Variants in TTC29 observed in about 807,000 individuals in gnomAD.
The protein encoded by TTC29 is tetratricopeptide repeat protein 29.
A neutral mutation model predicts 58.1 loss-of-function variants in TTC29; 49 were observed. The ratio of observed to expected loss-of-function variants is 0.84; its 90% CI spans 0.67 to 1.07. The LOEUF (loss-of-function observed/expected upper bound fraction) is 1.07. Among genes scored for constraint, TTC29 ranks in the 50% least tolerant of loss-of-function variants. The pLI is 0.00. For synonymous variants in TTC29, 209 were observed against 196.8 expected, an observed-to-expected ratio of 1.06 and a Z score of -0.52; for missense variants, 582 against 555.6, an observed-to-expected ratio of 1.05 and a Z score of -0.48.
chr4:146,805,481 G>GAA (rs1240522342), intron 10 of TTC29, among the ~76,000 whole-genome samples: 1 of 152,134 alleles, frequency 6.6e-6, no homozygotes, highest in East Asian at 1.9e-4. Flanking sequence ...AGGAAGCTAA[G>GAA]AACCTTGACA....
intron 11 of TTC29, among the ~76,000 whole-genome samples, chr4:146,758,579 A>G (rs1202713419): frequency 6.6e-6 from 1 of 152,186 alleles, no homozygotes; most frequent in East Asian, 1.9e-4. Context: ...AAGATAGACC[A>G]TAAGATAGGC....
chr4:146,941,406 T>C (rs927707979), intron 2 of TTC29, among the ~76,000 whole-genome samples: 1 of 152,220 alleles, frequency 6.6e-6, no homozygotes, highest in South Asian at 2.1e-4. Flanking sequence ...GGCACTGTTC[T>C]AGGTGCCAAA....
chr4:146,917,097 T>C (rs1734271697), intron 4 of TTC29, among the ~76,000 whole-genome samples: 1 of 151,164 alleles, frequency 6.6e-6, no homozygotes, highest in Non-Finnish European at 1.5e-5. Flanking sequence ...CCACCAATCA[T>C]AAATAATATG....
intron 11 of TTC29, among the ~76,000 whole-genome samples, chr4:146,797,450 A>C (rs1722614214): frequency 6.6e-6 from 1 of 152,062 alleles, no homozygotes; most frequent in African/African-American, 2.4e-5. Flanking sequence ...TAATTCTCTC[A>C]GCTTTTATAT....
At chr4:146,853,202 G>C (rs1729622188) in intron 8 of TTC29, among the ~76,000 whole-genome samples, 1 of 151,892 alleles carries the variant, frequency 6.6e-6, no homozygotes, top group Non-Finnish European at 1.5e-5. Flanking sequence ...AAAATGTTGA[G>C]AATACAGATA....
At chr4:146,833,978 A>T in intron 8 of TTC29, 81 bp from the exon 9 acceptor site, 1 of 959,934 alleles carries the variant, frequency 1.0e-6, no homozygotes, top group Non-Finnish European at 1.5e-6. Context: ...AAAAAAATAA[A>T]ATTAATAGTT....
intron 11 of TTC29, among the ~76,000 whole-genome samples, chr4:146,712,602 G>C (rs955058444): frequency 1.3e-5 from 2 of 152,086 alleles, no homozygotes; most frequent in Non-Finnish European, 2.9e-5. Context: ...GTACTTGCTT[G>C]CCTTTAGCTA....
rs377501724 is a variant in TTC29 at position 146,740,583 on chromosome 4, G to A, written c.1331-33032C>T. Among the ~76,000 whole-genome samples, 20 of 152,132 alleles carry A rather than the reference G, an allele frequency of 1.3e-4. No individual in the cohort carries two copies. The East Asian group carries it at 2.7e-3, about 21-fold the overall frequency. The stretch of plus-strand genomic sequence containing the variant: ...GAAACAGTATTCAGTGAACAACTGG[G>A]TATTTGGATAAGTAAATGTGATAGA... On this transcript the variant is annotated intron_variant, in intron 11 of 12. Transcript: ENST00000325106.
chr4:146,737,596 G>GGT (rs1744810433), intron 11 of TTC29, among the ~76,000 whole-genome samples: 1 of 149,554 alleles, frequency 6.7e-6, no homozygotes, highest in South Asian at 2.2e-4. Context: ...GCCCTGGGGG[G>GGT]GGGGGGGCTA....
At chr4:146,746,926 A>G (rs774940579) in intron 11 of TTC29, among the ~76,000 whole-genome samples, 1 of 152,226 alleles carries the variant, frequency 6.6e-6, no homozygotes. Context: ...GTGCTGGAGT[A>G]CAGCAAAGCA....
chr4:146,751,329 A>G (rs1745974847), intron 11 of TTC29, among the ~76,000 whole-genome samples: 1 of 152,234 alleles, frequency 6.6e-6, no homozygotes, highest in Admixed American at 6.5e-5. Flanking sequence ...ATCCATAAAT[A>G]CTGGTACTTG....
At chr4:146,720,340 T>C (rs1743265864) in intron 11 of TTC29, among the ~76,000 whole-genome samples, 2 of 152,172 alleles carry the variant, frequency 1.3e-5, no homozygotes, top group Admixed American at 1.3e-4. Context: ...TGGTATACTT[T>C]TCTTGCATTA....
intron 3 of TTC29, 62 bp downstream of exon 3, chr4:146,939,733 TACATTATTG>T: frequency 7.7e-7 from 1 of 1,304,648 alleles, no homozygotes. Context: ...TTTTCTGAGA[TACATTATTG>T]ACATTTCTTA....
chr4:146,743,078 A>G (rs1186917356), intron 11 of TTC29, among the ~76,000 whole-genome samples: 1 of 152,014 alleles, frequency 6.6e-6, no homozygotes, highest in African/African-American at 2.4e-5. Flanking sequence ...GCGTTAGTCA[A>G]AGACCTCTTG....
intron 11 of TTC29, among the ~76,000 whole-genome samples, chr4:146,797,831 T>TA (rs1749927712): frequency 9.3e-6 from 1 of 107,086 alleles, no homozygotes; most frequent in African/African-American, 3.4e-5. Context: ...ATTACTTTGT[T>TA]TTATATATAT....
chr4:146,709,792 A>T (rs1742348707), intron 11 of TTC29, among the ~76,000 whole-genome samples: 1 of 152,140 alleles, frequency 6.6e-6, no homozygotes, highest in Admixed American at 6.6e-5. Flanking sequence ...GGCTTCATAG[A>T]GGAAATAAAT....
intron 5 of TTC29, among the ~76,000 whole-genome samples, chr4:146,905,432 T>A (rs923035535): frequency 2.6e-5 from 4 of 151,302 alleles, no homozygotes; most frequent in Non-Finnish European, 5.9e-5. Context: ...ATAAGGTTTT[T>A]TTTTTTAGGA....
chr4:146,821,229 A>G (rs1180993452), intron 9 of TTC29, among the ~76,000 whole-genome samples: 1 of 152,138 alleles, frequency 6.6e-6, no homozygotes, highest in African/African-American at 2.4e-5. Flanking sequence ...GAGAAATGAC[A>G]AATAATGGGT....
intron 4 of TTC29, among the ~76,000 whole-genome samples, chr4:146,923,579 G>T (rs1330481430): frequency 6.6e-6 from 1 of 151,788 alleles, no homozygotes. Context: ...TTCTCTTTGG[G>T]ATACATTAGA....
Sources: gnomAD v4.1 joint callset for allele counts (sites outside exome capture counted in the v4.1 genomes callset) on GRCh38, gnomAD v4.1.1 for gene constraint, MANE v1.5 for transcripts, NCBI Gene and HGNC (gene_info 2026-07-23, HGNC 2026-07-21) for gene names.